ATRNL1: variants seen among roughly 807,000 people sequenced by gnomAD.
ATRNL1 encodes attractin like 1, also known as attractin-like protein 1.
A neutral mutation model predicts 182.7 loss-of-function variants in ATRNL1; 95 were observed. The ratio of observed to expected loss-of-function variants is 0.52; its 90% CI spans 0.44 to 0.62. The LOEUF (loss-of-function observed/expected upper bound fraction) is 0.62. Among genes scored for constraint, ATRNL1 ranks in the 20% least tolerant of loss-of-function variants. ATRNL1 has a pLI of 0.00. For missense variants in ATRNL1, 1,471 were observed against 1,679.5 expected (o/e 0.88, Z 2.17); for synonymous variants, 576 against 568.3 (o/e 1.01, Z -0.19).
chr10:115,739,975 A>G (rs948314980), intron 27 of ATRNL1, among the ~76,000 whole-genome samples: 1 of 152,214 alleles, frequency 6.6e-6, no homozygotes, highest in Non-Finnish European at 1.5e-5. Context: ...TATATCCTCA[A>G]TGGAATAGCT....
At chr10:115,834,562 T>A (rs1257595084) in intron 27 of ATRNL1, among the ~76,000 whole-genome samples, 5 of 152,176 alleles carry the variant, frequency 3.3e-5, no homozygotes, top group African/African-American at 1.2e-4. Context: ...CCTTTACCAT[T>A]TTGCTCTGGT....
chr10:115,464,529 A>T (rs1554970423), intron 22 of ATRNL1, among the ~76,000 whole-genome samples: 2 of 151,938 alleles, frequency 1.3e-5, no homozygotes, highest in Admixed American at 1.3e-4. Context: ...CAGCTTTTTA[A>T]ATCCTAAATG....
intron 26 of ATRNL1, among the ~76,000 whole-genome samples, chr10:115,668,601 C>T (rs897273196): frequency 6.6e-6 from 1 of 152,100 alleles, no homozygotes; most frequent in Non-Finnish European, 1.5e-5. Context: ...GTGACCAGAC[C>T]TACAGTCTTT....
intron 1 of ATRNL1, among the ~76,000 whole-genome samples, chr10:115,102,992 C>G (rs1215728040): frequency 2.0e-5 from 3 of 148,140 alleles, no homozygotes; most frequent in Non-Finnish European, 4.5e-5. Flanking sequence ...TTTTTTACAA[C>G]AGTTTTTTGT....
Position 115,582,954 on chromosome 10 carries a change from T to C in ATRNL1, c.3795+33418T>C, listed in dbSNP as rs1273712830. ...GTAAGGAAGGGATCCAGTTTCAGCT[T>C]TCTACATATGGCTAGCCAGTTTTCC... is the stretch of plus-strand genomic sequence containing the variant. On this transcript the variant is annotated intron_variant, in intron 26 of 28. Transcript: ENST00000355044. Among the ~76,000 whole-genome samples the C allele has an allele frequency of 7.4e-5, 11 of 147,934 alleles. 1 individual carries two copies. The highest frequency in any genetic ancestry group is 2.7e-4 in the African/African-American group (11 of 40,812).
chr10:115,391,532 G>A (rs1162448718), intron 19 of ATRNL1, among the ~76,000 whole-genome samples: 4 of 152,114 alleles, frequency 2.6e-5, no homozygotes, highest in African/African-American at 9.7e-5. Context: ...CCTTGACTTA[G>A]GGGTATCTTG....
intron 21 of ATRNL1, among the ~76,000 whole-genome samples, chr10:115,439,581 C>A (rs2134441429): frequency 6.6e-6 from 1 of 152,010 alleles, no homozygotes; most frequent in African/African-American, 2.4e-5. Context: ...GTGAGTAATG[C>A]ACCCCGAAAG....
chr10:115,315,823 C>G (rs1854273132), intron 18 of ATRNL1, 87 bp downstream of exon 18: 1 of 1,140,294 alleles, frequency 8.8e-7, no homozygotes, highest in African/African-American at 1.6e-5. Flanking sequence ...GAAAATTTAG[C>G]TTTAGGAAAA....
chr10:115,354,633 T>G (rs1856423150), intron 19 of ATRNL1, among the ~76,000 whole-genome samples: 2 of 152,150 alleles, frequency 1.3e-5, no homozygotes, highest in Non-Finnish European at 2.9e-5. Context: ...ATCTTTGACC[T>G]TTGATAGTTT....
chr10:115,103,553 A>G (rs1327136908), intron 1 of ATRNL1, among the ~76,000 whole-genome samples: 1 of 152,120 alleles, frequency 6.6e-6, no homozygotes, highest in African/African-American at 2.4e-5. Context: ...AGATATTTTG[A>G]TACAGGTATA....
intron 28 of ATRNL1, among the ~76,000 whole-genome samples, chr10:115,898,704 A>C (rs1952270647): frequency 6.6e-6 from 1 of 152,234 alleles, no homozygotes; most frequent in South Asian, 2.1e-4. Context: ...GAATCCTGGA[A>C]TGAGATGGCA....
chr10:115,397,727 G>A (rs74636962), intron 20 of ATRNL1, among the ~76,000 whole-genome samples: 3,596 of 151,980 alleles, frequency 0.024, 56 homozygotes, highest in Non-Finnish European at 0.036. Context: ...TAAAAGCAAA[G>A]AAGTAGAAAT....
chr10:115,099,423 A>G (rs2085104666), intron 1 of ATRNL1, among the ~76,000 whole-genome samples: 2 of 152,200 alleles, frequency 1.3e-5, no homozygotes, highest in Admixed American at 1.3e-4. Context: ...TTGTATGGTC[A>G]TATGCTTTCC....
At chr10:115,540,907 A>G (rs1364504417) in intron 25 of ATRNL1, among the ~76,000 whole-genome samples, 3 of 152,178 alleles carry the variant, frequency 2.0e-5, no homozygotes, top group Non-Finnish European at 4.4e-5. Context: ...CGTATGGGAA[A>G]GGTGACATTT....
intron 28 of ATRNL1, among the ~76,000 whole-genome samples, chr10:115,939,675 A>G (rs532167981): frequency 2.0e-5 from 3 of 152,298 alleles, no homozygotes; most frequent in East Asian, 3.9e-4. Context: ...TAGAGAACAC[A>G]ATAAGTGAAT....
chr10:115,549,958 A>T (rs998826318), intron 26 of ATRNL1, among the ~76,000 whole-genome samples: 2 of 151,882 alleles, frequency 1.3e-5, no homozygotes, highest in Non-Finnish European at 2.9e-5. Flanking sequence ...TTATTATAAC[A>T]TTCTTTTTTT....
intron 24 of ATRNL1, among the ~76,000 whole-genome samples, chr10:115,485,232 A>G (rs1300240086): frequency 2.6e-5 from 4 of 152,024 alleles, no homozygotes; most frequent in South Asian, 2.1e-4. Flanking sequence ...CTTTGAAACC[A>G]TAGTAGAATT....
intron 17 of ATRNL1, among the ~76,000 whole-genome samples, chr10:115,306,223 A>T (rs1853721843): frequency 6.6e-6 from 1 of 152,140 alleles, no homozygotes. Context: ...TCTTTCAAAT[A>T]AATTGTGACA....
intron 7 of ATRNL1, among the ~76,000 whole-genome samples, chr10:115,167,951 A>G (rs1847119580): frequency 6.6e-6 from 1 of 152,092 alleles, no homozygotes; most frequent in East Asian, 1.9e-4. Flanking sequence ...TCATTACTTC[A>G]CAAAGAAACT....
Sources: allele counts gnomAD v4.1 joint callset (sites outside exome capture counted in the v4.1 genomes callset), GRCh38; gene constraint gnomAD v4.1.1; transcripts MANE v1.5; gene names NCBI Gene and HGNC (gene_info 2026-07-23, HGNC 2026-07-21).